The following P4HA1 variants were observed in gnomAD, a reference collection of about 807,000 sequenced individuals.
The protein encoded by P4HA1 is prolyl 4-hydroxylase subunit alpha-1.
In P4HA1, 24 loss-of-function variants were observed where a neutral mutation model predicts 72.8. The ratio of observed to expected loss-of-function variants is 0.33; its 90% CI spans 0.24 to 0.46. The LOEUF (loss-of-function observed/expected upper bound fraction) is 0.46. Ranked by LOEUF, P4HA1 falls within the 20% of genes least tolerant of loss-of-function variation. P4HA1 has a pLI of 1.00. For missense variants in P4HA1, 446 were observed against 640.6 expected (o/e 0.70, Z 3.28); for synonymous variants, 201 against 218.8 (o/e 0.92, Z 0.72).
At chr10:73,042,177 G>A (rs1368012876) in intron 9 of P4HA1, among the ~76,000 whole-genome samples, 3 of 152,080 alleles carry the variant, frequency 2.0e-5, no homozygotes, top group African/African-American at 7.2e-5. Flanking sequence ...TGAAGCTAGT[G>A]ATAGGCAAGA....
chr10:73,014,596 G>C (rs1201040142), intron 11 of P4HA1, among the ~76,000 whole-genome samples: 1 of 152,030 alleles, frequency 6.6e-6, no homozygotes, highest in African/African-American at 2.4e-5. Flanking sequence ...GACTGAACTT[G>C]TATACTGGAT....
rs111578731 is a variant in P4HA1 at position 73,073,713 on chromosome 10, A to G, written c.173+18T>C. ...TCCAGGTTGAGTCAGAGTCATAATA[A>G]GCAAACATTTTGCTTACTTTTTTAT... On this transcript the variant is annotated intron_variant, in intron 3 of 14. Coordinates refer to ENST00000394890, the MANE Select transcript of P4HA1 (RefSeq NM_001017962.3). 1 of 1,110,104 alleles carries G rather than the reference A, an allele frequency of 9.0e-7. No homozygotes were observed. Among genetic ancestry groups the G allele is most frequent in the Non-Finnish European group, 1.4e-6 (1 of 720,476 alleles). 68.8% of individuals were successfully genotyped at this position (1,110,104 alleles called of 1,614,324 possible).
At chr10:73,068,748 T>A in intron 5 of P4HA1, 98 bp downstream of exon 5, 2 of 993,090 alleles carry the variant, frequency 2.0e-6, no homozygotes, top group South Asian at 3.0e-5. Context: ...CAATTTAAAA[T>A]CTTAAAATGC....
intron 5 of P4HA1, among the ~76,000 whole-genome samples, chr10:73,058,461 G>C (rs1841213158): frequency 6.6e-6 from 1 of 152,160 alleles, no homozygotes. Flanking sequence ...TAGCATTCTT[G>C]CCTGTTCTGG....
At chr10:73,092,509 C>A (rs1169648284) in intron 1 of P4HA1, among the ~76,000 whole-genome samples, 9 of 148,678 alleles carry the variant, frequency 6.1e-5, no homozygotes, top group African/African-American at 2.2e-4. Context: ...CAACCTCATG[C>A]CCCCTTAATT....
chr10:73,095,750 C>A (rs1257705422), intron 1 of P4HA1, among the ~76,000 whole-genome samples: 1 of 152,178 alleles, frequency 6.6e-6, no homozygotes, highest in African/African-American at 2.4e-5. Flanking sequence ...CTTCTTCAAC[C>A]CTTTCTTAAA....
At chr10:73,049,235 G>A (rs962099885) in intron 7 of P4HA1, among the ~76,000 whole-genome samples, 2 of 152,136 alleles carry the variant, frequency 1.3e-5, no homozygotes, top group African/African-American at 4.8e-5. Context: ...GTCACCATAC[G>A]TATTGTATAC....
intron 1 of P4HA1, among the ~76,000 whole-genome samples, chr10:73,090,931 G>A (rs1440066730): frequency 1.3e-5 from 2 of 151,366 alleles, no homozygotes; most frequent in East Asian, 1.9e-4. Flanking sequence ...GCGTGGTGGC[G>A]GGTGCCTGTA....
intron 10 of P4HA1, among the ~76,000 whole-genome samples, chr10:73,025,378 T>G (rs1299071121): frequency 6.6e-6 from 1 of 152,168 alleles, no homozygotes; most frequent in African/African-American, 2.4e-5. Context: ...CATGATTATC[T>G]CAATAGATGC....
intron 5 of P4HA1, among the ~76,000 whole-genome samples, chr10:73,054,491 G>A (rs1050204845): frequency 2.0e-5 from 3 of 152,106 alleles, no homozygotes; most frequent in Non-Finnish European, 4.4e-5. Flanking sequence ...CCTTGCCCCA[G>A]CCCTAGACAA....
intron 9 of P4HA1, among the ~76,000 whole-genome samples, chr10:73,042,484 T>G (rs375539701): frequency 1.3e-5 from 2 of 152,308 alleles, no homozygotes; most frequent in African/African-American, 4.8e-5. Flanking sequence ...CATAATTTAG[T>G]TTCGAATGAT....
intron 9 of P4HA1, chr10:73,043,990 C>A: frequency 6.5e-7 from 1 of 1,538,274 alleles, no homozygotes; most frequent in South Asian, 1.1e-5. Flanking sequence ...AGGACTTACT[C>A]CAGTAGCAGG....
intron 7 of P4HA1, among the ~76,000 whole-genome samples, chr10:73,048,350 G>A (rs1840926745): frequency 6.6e-6 from 1 of 152,122 alleles, no homozygotes; most frequent in East Asian, 1.9e-4. Context: ...TGCAGCCTCT[G>A]CCTCCTGGGT....
chr10:73,091,698 C>T (rs548025694), intron 1 of P4HA1, among the ~76,000 whole-genome samples: 6 of 152,146 alleles, frequency 3.9e-5, no homozygotes, highest in Middle Eastern at 3.4e-3. Flanking sequence ...TTGGGTTTTA[C>T]TGAAGTTCCA....
At chr10:73,027,967 T>G (rs1180581374) in intron 10 of P4HA1, among the ~76,000 whole-genome samples, 4 of 152,088 alleles carry the variant, frequency 2.6e-5, no homozygotes, top group Non-Finnish European at 5.9e-5. Context: ...GGACGATACC[T>G]TATTCAGGTT....
chr10:73,073,643 G>T (rs1841619950), intron 3 of P4HA1, 88 bp downstream of exon 3: 1 of 733,986 alleles, frequency 1.4e-6, no homozygotes. Flanking sequence ...TCAAAAATGG[G>T]TTTCATTTCT....
chr10:73,062,832 T>A (rs934257955), intron 5 of P4HA1, among the ~76,000 whole-genome samples: 1 of 152,186 alleles, frequency 6.6e-6, no homozygotes, highest in African/African-American at 2.4e-5. Context: ...ATTTGCAGAC[T>A]ACAGAAAAGC....
rs1840406357 is a variant in P4HA1 at position 73,030,382 on chromosome 10, A to C, written c.1149-12T>G. ...CAGAGAGCCAGGCACTAAGAATAAG[A>C]GGAATATTAGTTTTATTGATAATGT... On this transcript the variant is annotated splice_polypyrimidine_tract_variant and intron_variant, in intron 9 of 14. Transcript: ENST00000394890. 10 of 1,407,910 alleles carry C rather than the reference A, an allele frequency of 7.1e-6. No individual in the cohort carries two copies. Among genetic ancestry groups the C allele is most frequent in the Non-Finnish European group, 9.9e-6 (10 of 1,013,392 alleles). 87.2% of individuals were successfully genotyped at this position (1,407,910 alleles called of 1,614,324 possible). A position where few individuals can be genotyped will look rare whatever the true frequency, so the allele number is the denominator to read the frequency against.
rs921703269 is a variant in P4HA1, at chr10:73,007,321, A to T, written c.*901T>A. The stretch of plus-strand genomic sequence containing the variant: ...TTGGCTTTCTAAGAAAAAGACTTTT[A>T]AAAAAAATCAATTCCCTCATCACTG... On this transcript the variant is annotated 3_prime_UTR_variant, in exon 15 of 15. Transcript: ENST00000394890. 7.2e-5 allele frequency: 11 copies of T among 152,668 alleles called. No homozygotes were observed. The highest frequency in any genetic ancestry group is 3.4e-3 in the Middle Eastern group (1 of 292). The allele number at this position is 152,668 out of a possible 1,614,324, so 9.5% of individuals were successfully genotyped here.
Sources: gnomAD v4.1 joint callset for allele counts (sites outside exome capture counted in the v4.1 genomes callset) on GRCh38, gnomAD v4.1.1 for gene constraint, MANE v1.5 for transcripts, NCBI Gene and HGNC (gene_info 2026-07-23, HGNC 2026-07-21) for gene names.